The following TFR2 variants were observed in gnomAD, a reference collection of about 807,000 sequenced individuals.
TFR2 encodes the protein transferrin receptor protein 2.
A neutral mutation model predicts 91.9 loss-of-function variants in TFR2; 64 were observed. The observed-to-expected ratio is 0.70, with a 90% CI of 0.57 to 0.86. The LOEUF (loss-of-function observed/expected upper bound fraction) is 0.86. TFR2 is among the 40% of genes least tolerant of loss of function. The pLI, the probability that TFR2 is intolerant of heterozygous loss-of-function variation, is 0.00. For missense variants in TFR2, 950 were observed against 1,080.5 expected (o/e 0.88, Z 1.69); for synonymous variants, 454 against 459.6 (o/e 0.99, Z 0.15).
chr7:100,627,901 T>C lies in TFR2; in HGVS notation c.1605+6A>G, dbSNP rs934731307. 6.2e-7 allele frequency: 1 copy of C among 1,614,084 alleles called. No homozygotes were observed. The highest frequency in any genetic ancestry group is 2.2e-5 in the East Asian group (1 of 44,874). ...CCTTCACCCCCTATTCCTGGGGTGC[T>C]CTTGCCTGCTTCAGGACACTCTCAA... On this transcript the variant is annotated splice_donor_region_variant and intron_variant, in intron 13 of 17. Coordinates refer to ENST00000223051, the MANE Select transcript of TFR2 (RefSeq NM_003227.4).
At chr7:100,631,728 C>G (rs947909000) in intron 8 of TFR2, 78 bp downstream of exon 8, 50 of 1,545,984 alleles carry the variant, frequency 3.2e-5, no homozygotes, top group Non-Finnish European at 4.2e-5. Context: ...TTCTAGTTCA[C>G]CCACAATCAC....
intron 17 of TFR2, among the ~76,000 whole-genome samples, chr7:100,621,546 G>A (rs1171750133): frequency 1.3e-5 from 2 of 152,138 alleles, no homozygotes; most frequent in Non-Finnish European, 2.9e-5. Flanking sequence ...GAGCCACCAC[G>A]CTAGGCCTCC....
intron 3 of TFR2, among the ~76,000 whole-genome samples, chr7:100,639,594 G>A (rs1401048693): frequency 2.1e-5 from 3 of 146,220 alleles, no homozygotes; most frequent in African/African-American, 7.5e-5. Flanking sequence ...AAAAAAAAAC[G>A]TAGAAGGTAT....
At chr7:100,630,274 C>CTCTT in intron 9 of TFR2, among the ~76,000 whole-genome samples, 1 of 148,270 alleles carries the variant, frequency 6.7e-6, no homozygotes, top group African/African-American at 2.5e-5. Flanking sequence ...TTCTCTTTCT[C>CTCTT]TCTTTCTTTC....
In TFR2 at chr7:100,631,041, C is replaced by A. The variant is rs202221581; in HGVS notation, c.1118G>T (p.Gly373Val). ...CTGCCATTCTTGGGGGGCCACAGGG[C>A]CTTTGAGCTTCCTGGAGAGGAGGAA... is the stretch of plus-strand genomic sequence containing the variant. The part of the protein sequence containing the change: ...IASRLLRKLK[G>V]PVAPQEWQGS... Residue 373 changes from glycine to valine, a missense_variant, in exon 9 of 18, where the codon GGC becomes GTC. By Grantham distance (109) the Gly-to-Val change is moderately radical. Coordinates refer to ENST00000223051, the MANE Select transcript of TFR2 (RefSeq NM_003227.4). The A allele has an allele frequency of 1.3e-6, 2 of 1,583,482 alleles. No homozygotes were observed. The highest frequency in any genetic ancestry group is 1.4e-5 in the African/African-American group (1 of 73,228).
At position 100,640,682 on chromosome 7, in the gene TFR2, C is replaced by T. The variant is rs1221027339; in HGVS notation, c.473+4G>A. ...AGAACAGGATGGGGCAGGGCCATCC[C>T]TACCTGATGGTGTCCTCCAGGCGCC... On this transcript the variant is annotated splice_donor_region_variant and intron_variant, in intron 3 of 17. Transcript: ENST00000223051. The T allele has an allele frequency of 6.2e-7, 1 of 1,612,018 alleles. No homozygotes were observed. The highest frequency in any genetic ancestry group is 1.1e-5 in the South Asian group (1 of 91,010).
rs911003123 is a variant in TFR2, at chr7:100,627,495, C to T, written c.1768-4G>A. On this transcript the variant is annotated splice_polypyrimidine_tract_variant and splice_region_variant and intron_variant, in intron 15 of 17. Coordinates refer to ENST00000223051, the MANE Select transcript of TFR2 (RefSeq NM_003227.4). ...GGAATGGGTAGGCCTGGTCGTCCTG[C>T]CAGGACAGGGTGGACGCTGGGGCGG... 5.6e-6 allele frequency: 9 copies of T among 1,612,312 alleles called. No homozygotes were observed. The highest frequency in any genetic ancestry group is 3.3e-5 in the South Asian group (3 of 90,868).
At chr7:100,622,456 C>G (rs1463534830) in intron 17 of TFR2, among the ~76,000 whole-genome samples, 2 of 152,220 alleles carry the variant, frequency 1.3e-5, no homozygotes, top group Admixed American at 6.5e-5. Context: ...CAAGCTGTCA[C>G]CCTCAAAGGG....
chr7:100,633,131 C>T lies in TFR2; in HGVS notation c.727-8G>A. On this transcript the variant is annotated splice_region_variant and splice_polypyrimidine_tract_variant and intron_variant, in intron 5 of 17. Coordinates refer to ENST00000223051, the MANE Select transcript of TFR2 (RefSeq NM_003227.4). ...GGCGTACACCAGCTCTCCCTGGGGA[C>T]ACGAGGACGGTGAGGCGCGCTCCCC... The T allele has an allele frequency of 6.2e-7, 1 of 1,613,346 alleles. No homozygotes were observed.
intron 17 of TFR2, among the ~76,000 whole-genome samples, chr7:100,621,680 C>G (rs1390188280): frequency 6.6e-6 from 1 of 152,148 alleles, no homozygotes; most frequent in Admixed American, 6.5e-5. Context: ...TTCTTAACAC[C>G]ACACCTCCCC....
At chr7:100,632,717 T>TAAAA in intron 6 of TFR2, 1 of 204,952 alleles carries the variant, frequency 4.9e-6, no homozygotes, top group Non-Finnish European at 8.5e-6. Flanking sequence ...CCCAGCTAAC[T>TAAAA]AAAAAAAAAA....
At position 100,626,818 on chromosome 7, in the gene TFR2, C is replaced by T; in HGVS notation, c.2081G>A (p.Ser694Asn). 1.3e-6 allele frequency: 2 copies of T among 1,549,438 alleles called. No individual in the cohort carries two copies. The highest frequency in any genetic ancestry group is 1.7e-6 in the Non-Finnish European group (2 of 1,146,944). ...AAEKLRQEIY[S>N]SEERDERLTR... is the part of the protein sequence containing the mutation. ...CAGTCGCTCGTCTCTCTCCTCCGAG[C>T]TGTAGATCTCCTGCCGCAGCTTTTC... Residue 694 changes from serine (S) to asparagine (N), a missense_variant, in exon 17 of 18, where the codon AGC (serine) becomes AAC (asparagine). Coordinates refer to ENST00000223051, the MANE Select transcript of TFR2 (RefSeq NM_003227.4).
In TFR2 at chr7:100,631,871, T is replaced by C; in HGVS notation, c.1041A>G (p.Ala347=). ...CTGGGATGCTGGGAAGGCCTGATGA[T>C]GCAACTGGAGGGAACTGGGTTTGAT... is the stretch of plus-strand genomic sequence containing the variant. The part of the protein sequence containing the change: ...SFNQTQFPPV[A]SSGLPSIPAQ... Residue 347 remains alanine, a synonymous_variant, in exon 8 of 18, where the codon GCA becomes GCG. Transcript: ENST00000223051. The C allele has an allele frequency of 6.2e-7, 1 of 1,613,908 alleles. No individual in the cohort carries two copies. The highest frequency in any genetic ancestry group is 8.5e-7 in the Non-Finnish European group (1 of 1,179,970).
At chr7:100,640,496 C>A in intron 3 of TFR2, 190 bp downstream of exon 3, 1 of 656,770 alleles carries the variant, frequency 1.5e-6, no homozygotes, top group Non-Finnish European at 2.6e-6. Context: ...GCCTCAGTCC[C>A]CTGGAACCTC....
At chr7:100,621,403 G>A (rs912068614) in intron 17 of TFR2, among the ~76,000 whole-genome samples, 23 of 152,064 alleles carry the variant, frequency 1.5e-4, no homozygotes, top group African/African-American at 4.8e-4. Context: ...ACAGGCACCC[G>A]CCACGACGCC....
chr7:100,632,776 T>A, intron 6 of TFR2: 1 of 411,902 alleles, frequency 2.4e-6, no homozygotes, highest in Non-Finnish European at 4.5e-6. Flanking sequence ...GAGGGGGTTC[T>A]CACCGTGTTG....
intron 3 of TFR2, among the ~76,000 whole-genome samples, chr7:100,637,461 G>C (rs535833948): frequency 6.6e-6 from 1 of 152,170 alleles, no homozygotes; most frequent in South Asian, 2.1e-4. Context: ...GGGCATGGTG[G>C]CTCACGCCTG....
chr7:100,624,886 A>G (rs1343667715), intron 17 of TFR2, among the ~76,000 whole-genome samples: 3 of 151,466 alleles, frequency 2.0e-5, no homozygotes, highest in Non-Finnish European at 4.4e-5. Context: ...AAAAAAAACA[A>G]AAAAACAAGC....
chr7:100,626,716 G>A lies in TFR2; in HGVS notation c.2136+47C>T, dbSNP rs1035284388. On this transcript the variant is annotated intron_variant, in intron 17 of 17. Transcript: ENST00000223051. ...CCAGGTCCAGGAGGTGGAGCCCCAGGGGAGGGGCGGGACACTGGGGGCGGG... is the reference window on the plus strand; with the variant it reads ...CCAGGTCCAGGAGGTGGAGCCCCAGAGGAGGGGCGGGACACTGGGGGCGGG... 3.9e-6 allele frequency: 6 copies of A among 1,533,534 alleles called. No homozygotes were observed. In the African/African-American group the frequency reaches 6.9e-5, roughly 18 times the overall value. The allele number at this position is 1,533,534 out of a possible 1,614,324, so 95.0% of individuals were successfully genotyped here.
Sources: allele counts gnomAD v4.1 joint callset (sites outside exome capture counted in the v4.1 genomes callset), GRCh38; gene constraint gnomAD v4.1.1; transcripts MANE v1.5; gene names NCBI Gene and HGNC (gene_info 2026-07-23, HGNC 2026-07-21).